The following NDST1 variants were observed in gnomAD, a reference collection of about 807,000 sequenced individuals.
The protein encoded by NDST1 is N-deacetylase and N-sulfotransferase 1.
Under a neutral mutation model 92.8 loss-of-function variants are expected in NDST1, and 35 were observed. The observed-to-expected ratio is 0.38, with a 90% CI of 0.29 to 0.50. The LOEUF (loss-of-function observed/expected upper bound fraction) is 0.50, where lower values mean the gene tolerates loss of function less well. NDST1 is among the 20% of genes least tolerant of loss of function. The pLI, the probability that NDST1 is intolerant of heterozygous loss-of-function variation, is 0.94. For synonymous variants in NDST1, 493 were observed against 500.3 expected (o/e 0.99, Z 0.19); for missense variants, 822 against 1,182.7 (o/e 0.69, Z 4.47).
upstream of NDST1, among the ~76,000 whole-genome samples, chr5:150,503,935 G>A (rs1346356781): frequency 1.3e-5 from 2 of 152,206 alleles, no homozygotes; most frequent in Non-Finnish European, 2.9e-5. Flanking sequence ...TTACGTGTAG[G>A]TAGGGCTCTG....
intron 1 of NDST1, among the ~76,000 whole-genome samples, chr5:150,501,827 G>A (rs1257536480): frequency 6.6e-6 from 1 of 152,218 alleles, no homozygotes; most frequent in Non-Finnish European, 1.5e-5. Context: ...AAACTGGCTT[G>A]TGGGTCAAGA....
chr5:150,534,018 G>C (rs182029212), intron 4 of NDST1, among the ~76,000 whole-genome samples: 1 of 151,694 alleles, frequency 6.6e-6, no homozygotes, highest in Non-Finnish European at 1.5e-5. Context: ...AGGAGTTCAA[G>C]GCTGCAGTGA....
At position 150,553,187 on chromosome 5, in the gene NDST1, G is replaced by C. The variant is rs189585838; in HGVS notation, c.2530-26G>C. 11 of 1,609,332 alleles carry C rather than the reference G, an allele frequency of 6.8e-6. No homozygotes were observed. The highest frequency in any genetic ancestry group is 9.3e-6 in the Non-Finnish European group (11 of 1,176,968). On this transcript the variant is annotated intron_variant, in intron 14 of 14. Coordinates refer to ENST00000261797, the MANE Select transcript of NDST1 (RefSeq NM_001543.5). This position sits in a 1 kb window ranked among gnomAD's most constrained non-coding sequence, Gnocchi z 4.2. The stretch of plus-strand genomic sequence containing the variant: ...AGGTCACTCTTAAGTCAGTACACAA[G>C]GTCTGAGCTTTCCTTCCCGTTACAG...
In NDST1 at chr5:150,540,120, T is replaced by G. The variant is rs1561604296; in HGVS notation, c.1605T>G (p.Asn535Lys). 6.2e-7 allele frequency: 1 copy of G among 1,614,104 alleles called. No homozygotes were observed. The highest frequency in any genetic ancestry group is 8.5e-7 in the Non-Finnish European group (1 of 1,180,048). ...TGACGCACCTGTCCAACTATGGGAATGACCGCCTGGGCCTGTACACCTTCA... is the reference window on the plus strand; with the variant it reads ...TGACGCACCTGTCCAACTATGGGAAGGACCGCCTGGGCCTGTACACCTTCA... ...IFMTHLSNYG[N>K]DRLGLYTFKH... is the part of the protein sequence containing the mutation. Residue 535 changes from asparagine to lysine, a missense_variant, in exon 8 of 15, where the codon AAT (asparagine) becomes AAG (lysine). Physicochemically the swap from Asn to Lys is moderately conservative, Grantham distance 94. Coordinates refer to ENST00000261797, the MANE Select transcript of NDST1 (RefSeq NM_001543.5).
At chr5:150,552,305 C>A (rs549529729) in intron 14 of NDST1, among the ~76,000 whole-genome samples, 7 of 151,982 alleles carry the variant, frequency 4.6e-5, no homozygotes, top group African/African-American at 1.7e-4. Context: ...TCTGGAGTTG[C>A]GCCTAGAAGG....
intron 5 of NDST1, 86 bp downstream of exon 5, chr5:150,535,107 A>T: frequency 6.5e-7 from 1 of 1,537,522 alleles, no homozygotes; most frequent in Non-Finnish European, 8.8e-7. Context: ...CTGCTTTTGC[A>T]GTCTGCTCTG....
intron 1 of NDST1, among the ~76,000 whole-genome samples, chr5:150,514,492 C>T (rs79727062): frequency 0.043 from 6,066 of 139,562 alleles, 417 homozygotes; most frequent in Admixed American, 0.19. Flanking sequence ...ACCTGGGAGG[C>T]GGAGGTTGCA....
upstream of NDST1, among the ~76,000 whole-genome samples, chr5:150,506,555 G>T (rs745624915): frequency 5.3e-5 from 8 of 152,096 alleles, no homozygotes; most frequent in African/African-American, 9.7e-5. Context: ...TTAGAGTCTC[G>T]CTGAGGCCTC....
chr5:150,522,720 A>T (rs965022779), intron 2 of NDST1, among the ~76,000 whole-genome samples: 1 of 152,150 alleles, frequency 6.6e-6, no homozygotes, highest in Non-Finnish European at 1.5e-5. Flanking sequence ...TAAACACAGG[A>T]TGGGGCAGGT....
rs1754230907 is a variant in NDST1 at position 150,521,326 on chromosome 5, C to A, written c.72C>A (p.Phe24Leu). ...CGCAGGCTGTCCTTTTCCTGCTGTT[C>A]ATCTTCTGCCTGTTCAGCGTTTTCA... is the stretch of plus-strand genomic sequence containing the variant. ...VSPQAVLFLL[F>L]IFCLFSVFIS... The change falls in exon 2 of 15, where the codon TTC becomes TTA. Residue 24 changes from phenylalanine to leucine, a missense_variant. Physicochemically the swap from Phe to Leu is conservative, Grantham distance 22. Transcript: ENST00000261797. The surrounding 1 kb of genome is among the most constrained non-coding windows in gnomAD (Gnocchi z 5.9). 1 of 1,613,310 alleles carries A rather than the reference C, an allele frequency of 6.2e-7. No homozygotes were observed. Among genetic ancestry groups the A allele is most frequent in the Non-Finnish European group, 8.5e-7 (1 of 1,179,942 alleles).
chr5:150,553,715 A>T lies in NDST1; in HGVS notation c.*383A>T, dbSNP rs566114358. ...GGCGCCCCTCAGTATTCGCTGCCATATGTCCCTGTCCTCCAGGCTGTAGGG... is the reference window on the plus strand; with the variant it reads ...GGCGCCCCTCAGTATTCGCTGCCATTTGTCCCTGTCCTCCAGGCTGTAGGG... On this transcript the variant is annotated 3_prime_UTR_variant, in exon 15 of 15. Coordinates refer to ENST00000261797, the MANE Select transcript of NDST1 (RefSeq NM_001543.5). The surrounding 1 kb of genome is among the most constrained non-coding windows in gnomAD (Gnocchi z 4.2). The T allele has an allele frequency of 4.6e-5, 19 of 412,116 alleles. No individual in the cohort carries two copies. Among genetic ancestry groups the T allele is most frequent in the Non-Finnish European group, 8.7e-5 (19 of 217,420 alleles). 25.5% of individuals were successfully genotyped at this position (412,116 alleles called of 1,614,324 possible). A position where few individuals can be genotyped will look rare whatever the true frequency, so the allele number is the denominator to read the frequency against.
intron 10 of NDST1, among the ~76,000 whole-genome samples, chr5:150,544,231 A>G (rs956894617): frequency 1.6e-4 from 25 of 152,198 alleles, no homozygotes; most frequent in African/African-American, 5.8e-4. Context: ...CTGGGGCAGC[A>G]CCCTGTTAGC....
At chr5:150,539,474 C>A in intron 7 of NDST1, 118 bp downstream of exon 7, 1 of 1,594,320 alleles carries the variant, frequency 6.3e-7, no homozygotes, top group Non-Finnish European at 8.5e-7. Context: ...GAGTGCCTGG[C>A]AGTTGGGAGA....
At chr5:150,506,011 G>A (rs1394785264), upstream of NDST1, among the ~76,000 whole-genome samples, 1 of 152,180 alleles carries the variant, frequency 6.6e-6, no homozygotes, top group Admixed American at 6.5e-5. Context: ...TGAGGTCACA[G>A]GCAGGTTGTG....
intron 5 of NDST1, chr5:150,535,245 A>T (rs1754929417): frequency 1.1e-6 from 1 of 934,546 alleles, no homozygotes; most frequent in Admixed American, 6.2e-5. Context: ...AGGTCACACC[A>T]GCTACTAAGA....
intron 13 of NDST1, chr5:150,550,408 G>A (rs1026542856): frequency 1.9e-5 from 3 of 155,996 alleles, no homozygotes; most frequent in Non-Finnish European, 4.3e-5. Context: ...TTTGACTTAC[G>A]ATTTCAGGAA....
chr5:150,527,911 C>G lies in NDST1; in HGVS notation c.621C>G (p.Leu207=). 2 of 1,614,236 alleles carry G rather than the reference C, an allele frequency of 1.2e-6. No homozygotes were observed. Among genetic ancestry groups the G allele is most frequent in the South Asian group, 1.1e-5 (1 of 91,090 alleles). The change falls in exon 3 of 15, where the codon CTC becomes CTG. Residue 207 remains leucine (L), a synonymous_variant. Coordinates refer to ENST00000261797, the MANE Select transcript of NDST1 (RefSeq NM_001543.5). ...DCSINPKSPL[L]YVTRPSEVEK... Reference sequence around the variant, plus strand: ...GCATCAACCCCAAGTCCCCGCTGCTCTACGTGACGCGACCTAGCGAGGTGG... The same window carrying G: ...GCATCAACCCCAAGTCCCCGCTGCTGTACGTGACGCGACCTAGCGAGGTGG...
chr5:150,541,695 C>T (rs761490894), intron 9 of NDST1, 29 bp downstream of exon 9: 2 of 1,595,068 alleles, frequency 1.3e-6, no homozygotes, highest in African/African-American at 1.3e-5. Context: ...GACCGAGCTT[C>T]CCCAACTGCC....
chr5:150,502,370 T>A (rs1443326883), intron 1 of NDST1, among the ~76,000 whole-genome samples: 1 of 152,110 alleles, frequency 6.6e-6, no homozygotes, highest in Non-Finnish European at 1.5e-5. Flanking sequence ...AATAGAGTGT[T>A]GACCGCAAGG....
Sources: gnomAD v4.1 joint callset for allele counts (sites outside exome capture counted in the v4.1 genomes callset) on GRCh38, gnomAD v4.1.1 for gene constraint, Gnocchi (gnomAD v3.1) non-coding constraint, MANE v1.5 for transcripts, NCBI Gene and HGNC (gene_info 2026-07-23, HGNC 2026-07-21) for gene names.